ARSJ: variants seen among roughly 807,000 people sequenced by gnomAD.
The protein encoded by ARSJ is arylsulfatase family member J.
A neutral mutation model predicts 35.9 loss-of-function variants in ARSJ; 26 were observed. The ratio of observed to expected loss-of-function variants is 0.72; its 90% CI spans 0.53 to 1.00. The LOEUF (loss-of-function observed/expected upper bound fraction) is 1.00. Among genes scored for constraint, ARSJ ranks in the 50% least tolerant of loss-of-function variants. The probability of loss-of-function intolerance (pLI) is 0.00; values close to 1 mark genes in which losing one functional copy is unlikely to be tolerated. For synonymous variants in ARSJ, 294 were observed against 267.6 expected, an observed-to-expected ratio of 1.10 and a Z score of -0.96; for missense variants, 667 against 723.6, an observed-to-expected ratio of 0.92 and a Z score of 0.90.
At chr4:113,935,820 G>C (rs528214782) in intron 1 of ARSJ, among the ~76,000 whole-genome samples, 89 of 152,030 alleles carry the variant, frequency 5.9e-4, no homozygotes, top group African/African-American at 2.1e-3. Flanking sequence ...TGATTTAGCA[G>C]TAAAATATGA....
intron 1 of ARSJ, among the ~76,000 whole-genome samples, chr4:113,905,538 G>T (rs1365015950): frequency 6.6e-6 from 1 of 151,888 alleles, no homozygotes; most frequent in Non-Finnish European, 1.5e-5. Context: ...TGATCATTTA[G>T]CTGTCAGTTT....
At position 113,977,668 on chromosome 4, in the gene ARSJ, T is replaced by G. The variant is rs74646734; in HGVS notation, c.398+769A>C. Among the ~76,000 whole-genome samples, 2,045 of 152,332 alleles carry G rather than the reference T, an allele frequency of 0.013. 116 individuals carry two copies. The East Asian group carries it at 0.16, about 12-fold the overall frequency. On this transcript the variant is annotated intron_variant, in intron 1 of 1. Coordinates refer to ENST00000315366, the MANE Select transcript of ARSJ (RefSeq NM_024590.4). Reference sequence around the variant, plus strand: ...GGATAGAGTAAAAATATGAAAATGTTTGAACAATTTAAGTAGAAGATTTAG... The same window carrying G: ...GGATAGAGTAAAAATATGAAAATGTGTGAACAATTTAAGTAGAAGATTTAG...
intron 1 of ARSJ, among the ~76,000 whole-genome samples, chr4:113,942,135 T>C (rs28470920): frequency 3.6e-4 from 54 of 151,940 alleles, no homozygotes; most frequent in African/African-American, 1.1e-3. Context: ...AACTGGAATG[T>C]AAAGAATAAG....
At chr4:113,961,752 G>GC (rs1726549954) in intron 1 of ARSJ, among the ~76,000 whole-genome samples, 1 of 152,052 alleles carries the variant, frequency 6.6e-6, no homozygotes, top group Non-Finnish European at 1.5e-5. Flanking sequence ...CAAAAATCTT[G>GC]CCAGATGTAA....
intron 1 of ARSJ, among the ~76,000 whole-genome samples, chr4:113,959,542 C>T (rs1017429547): frequency 6.6e-6 from 1 of 151,976 alleles, no homozygotes; most frequent in Non-Finnish European, 1.5e-5. Context: ...CCAGCACTTC[C>T]CTGTTTTCAT....
At chr4:113,969,447 C>A (rs1727104784) in intron 1 of ARSJ, among the ~76,000 whole-genome samples, 1 of 152,022 alleles carries the variant, frequency 6.6e-6, no homozygotes, top group African/African-American at 2.4e-5. Context: ...AAAGCCACTT[C>A]TTGTAAGGTT....
chr4:113,943,813 C>A (rs1725309020), intron 1 of ARSJ, among the ~76,000 whole-genome samples: 1 of 151,832 alleles, frequency 6.6e-6, no homozygotes, highest in East Asian at 1.9e-4. Context: ...GGAATCAGAT[C>A]AGTATGTTCA....
intron 1 of ARSJ, among the ~76,000 whole-genome samples, chr4:113,969,200 G>A (rs1727082528): frequency 6.6e-6 from 1 of 152,060 alleles, no homozygotes; most frequent in Non-Finnish European, 1.5e-5. Context: ...AATAGATTCT[G>A]CCAAACATGA....
At chr4:113,966,638 A>T (rs983330610) in intron 1 of ARSJ, among the ~76,000 whole-genome samples, 4 of 152,220 alleles carry the variant, frequency 2.6e-5, no homozygotes, top group African/African-American at 4.8e-5. Flanking sequence ...TGGAAATAGT[A>T]GTTCTGAAGA....
chr4:113,973,488 T>A (rs1463283017), intron 1 of ARSJ, among the ~76,000 whole-genome samples: 1 of 152,176 alleles, frequency 6.6e-6, no homozygotes, highest in East Asian at 1.9e-4. Flanking sequence ...CCTCTTCAAC[T>A]GTACTTCTGC....
intron 1 of ARSJ, among the ~76,000 whole-genome samples, chr4:113,967,205 C>A (rs13435343): frequency 0.021 from 3,253 of 152,204 alleles, 91 homozygotes; most frequent in African/African-American, 0.066. Flanking sequence ...GCTGCCACAT[C>A]TTATTACACC....
chr4:113,968,325 G>A (rs1051029867), intron 1 of ARSJ, among the ~76,000 whole-genome samples: 1 of 152,090 alleles, frequency 6.6e-6, no homozygotes, highest in Non-Finnish European at 1.5e-5. Flanking sequence ...ACTATATGAA[G>A]TTTATAATTT....
At chr4:113,950,407 T>A (rs1725786145) in intron 1 of ARSJ, among the ~76,000 whole-genome samples, 1 of 152,000 alleles carries the variant, frequency 6.6e-6, no homozygotes, top group Non-Finnish European at 1.5e-5. Context: ...GGAAGCCCCA[T>A]CCAGATGAGC....
At chr4:113,937,958 T>C (rs1305800179) in intron 1 of ARSJ, among the ~76,000 whole-genome samples, 1 of 152,072 alleles carries the variant, frequency 6.6e-6, no homozygotes, top group Non-Finnish European at 1.5e-5. Flanking sequence ...ATGGCCATAC[T>C]GATGAAAGTA....
chr4:113,920,216 G>A (rs1316418459), intron 1 of ARSJ, among the ~76,000 whole-genome samples: 2 of 152,076 alleles, frequency 1.3e-5, no homozygotes, highest in Admixed American at 6.6e-5. Context: ...GGATAAAAAC[G>A]TTTCCACAGA....
chr4:113,974,296 TA>T (rs1005610558), intron 1 of ARSJ, among the ~76,000 whole-genome samples: 1 of 150,808 alleles, frequency 6.6e-6, no homozygotes, highest in African/African-American at 2.4e-5. Context: ...CTCCCGTTAA[TA>T]AAAAAAATGA....
chr4:113,957,950 A>G (rs1027856622), intron 1 of ARSJ, among the ~76,000 whole-genome samples: 4 of 152,096 alleles, frequency 2.6e-5, no homozygotes, highest in African/African-American at 9.7e-5. Flanking sequence ...TCTACGTTCT[A>G]TGCTAAGGTG....
chr4:113,955,906 T>C (rs1468225602), intron 1 of ARSJ, among the ~76,000 whole-genome samples: 1 of 152,134 alleles, frequency 6.6e-6, no homozygotes, highest in Non-Finnish European at 1.5e-5. Context: ...CCTTTTAGTA[T>C]CTTCCAGCCA....
chr4:113,952,697 G>A (rs1725938699), intron 1 of ARSJ, among the ~76,000 whole-genome samples: 1 of 152,032 alleles, frequency 6.6e-6, no homozygotes, highest in Non-Finnish European at 1.5e-5. Context: ...AGGACCAAGA[G>A]AACGATAGGC....
Sources: allele counts gnomAD v4.1 joint callset (sites outside exome capture counted in the v4.1 genomes callset), GRCh38; gene constraint gnomAD v4.1.1; transcripts MANE v1.5; gene names NCBI Gene and HGNC (gene_info 2026-07-23, HGNC 2026-07-21).